The following ATP2B4 variants were observed in gnomAD, a reference collection of about 807,000 sequenced individuals.
ATP2B4 encodes ATPase plasma membrane Ca2+ transporting 4.
Under a neutral mutation model 110.3 loss-of-function variants are expected in ATP2B4, and 39 were observed. The observed-to-expected ratio is 0.35, with a 90% confidence interval of 0.27 to 0.46. ATP2B4 has a LOEUF of 0.46. Among genes scored for constraint, ATP2B4 ranks in the 20% least tolerant of loss-of-function variants. The pLI is 1.00. For synonymous variants in ATP2B4, 538 were observed against 571.7 expected, an observed-to-expected ratio of 0.94 and a Z score of 0.84; for missense variants, 1,135 against 1,530.9, an observed-to-expected ratio of 0.74 and a Z score of 4.32.
chr1:203,639,814 G>A (rs896582375), intron 1 of ATP2B4, among the ~76,000 whole-genome samples: 3 of 152,170 alleles, frequency 2.0e-5, no homozygotes, highest in Non-Finnish European at 2.9e-5. Context: ...GAGATGTTCT[G>A]TTGCTGGGAT....
chr1:203,722,787 G>A, intron 18 of ATP2B4, 98 bp downstream of exon 18: 1 of 1,115,788 alleles, frequency 9.0e-7, no homozygotes, highest in East Asian at 2.5e-5. Flanking sequence ...AGGAATGAAG[G>A]AATTACGGGG....
At chr1:203,711,900 G>T in intron 12 of ATP2B4, 60 bp from the exon 13 acceptor site, 1 of 1,565,134 alleles carries the variant, frequency 6.4e-7, no homozygotes, top group South Asian at 1.2e-5. Context: ...GACAAACAGG[G>T]ACAGCTTACC....
chr1:203,714,202 G>A lies in ATP2B4; in HGVS notation c.2331G>A (p.Arg777=). The A allele has an allele frequency of 2.5e-6, 4 of 1,614,168 alleles. No individual in the cohort carries two copies. The South Asian group carries it at 3.3e-5, about 13-fold the overall frequency. Residue 777 remains arginine (R), a synonymous_variant, in exon 15 of 21, where the codon CGG becomes CGA. Transcript: ENST00000357681. ...TTGACAGCACTGTTGGGGAACACCG[G>A]CAGGTCGTGGCTGTCACTGGTGATG... The part of the protein sequence containing the change: ...GIIDSTVGEH[R]QVVAVTGDGT...
chr1:203,722,794 G>A (rs1666377343), intron 18 of ATP2B4, 105 bp downstream of exon 18: 13 of 1,061,950 alleles, frequency 1.2e-5, no homozygotes, highest in Admixed American at 2.5e-5. Flanking sequence ...AAGGAATTAC[G>A]GGGACTGGAG....
intron 1 of ATP2B4, among the ~76,000 whole-genome samples, chr1:203,672,353 T>TTTTTTTC (rs1664696691): frequency 1.2e-5 from 1 of 86,414 alleles, no homozygotes; most frequent in Non-Finnish European, 2.6e-5. Context: ...TTTTTTTTTT[T>TTTTTTTC]TTTAAAGCTG....
At chr1:203,652,571 C>T (rs1164614347) in intron 1 of ATP2B4, among the ~76,000 whole-genome samples, 1 of 152,094 alleles carries the variant, frequency 6.6e-6, no homozygotes, top group Non-Finnish European at 1.5e-5. Context: ...TGCGGCAACC[C>T]TGTGTTGAGC....
chr1:203,678,424 C>G (rs1301090613), intron 1 of ATP2B4, among the ~76,000 whole-genome samples: 4 of 116,314 alleles, frequency 3.4e-5, no homozygotes, highest in African/African-American at 1.0e-4. Flanking sequence ...AAGTCAGGGT[C>G]CCACTTGGTT....
intron 1 of ATP2B4, among the ~76,000 whole-genome samples, chr1:203,646,149 A>G (rs746094403): frequency 6.6e-6 from 1 of 152,158 alleles, no homozygotes; most frequent in Non-Finnish European, 1.5e-5. Context: ...GCACCAAGAC[A>G]CATGCTAAAA....
intron 1 of ATP2B4, among the ~76,000 whole-genome samples, chr1:203,666,313 T>G (rs1664501745): frequency 4.1e-5 from 1 of 24,678 alleles, no homozygotes; most frequent in Non-Finnish European, 1.0e-4. Context: ...GCATTTTGGT[T>G]TCTTACAATG....
intron 1 of ATP2B4, among the ~76,000 whole-genome samples, chr1:203,632,211 A>G (rs2102293065): frequency 6.7e-6 from 1 of 149,646 alleles, no homozygotes; most frequent in Admixed American, 6.7e-5. Context: ...AGCCAAAAAG[A>G]AAAAAAAAAG....
rs187440684 is a variant in ATP2B4 at position 203,732,331 on chromosome 1, G to A, written c.3309+4760G>A. On this transcript the variant is annotated intron_variant, in intron 20 of 20. Transcript: ENST00000357681. The stretch of plus-strand genomic sequence containing the variant: ...CTCCCCCTCCCTCAGTCTAATTGCC[G>A]AGTTACTGTCAGCATTTCTGCCAGA... 1.7e-3 allele frequency among the ~76,000 whole-genome samples: 259 copies of A among 152,238 alleles called. 3 individuals are homozygous for A. The East Asian group carries it at 0.027, about 16-fold the overall frequency.
chr1:203,686,005 C>CAAA, intron 2 of ATP2B4, among the ~76,000 whole-genome samples: 1 of 136,536 alleles, frequency 7.3e-6, no homozygotes, highest in Non-Finnish European at 1.6e-5. Flanking sequence ...TTCTTAATCA[C>CAAA]AAAAAAAAAA....
chr1:203,709,174 A>G, intron 10 of ATP2B4, 127 bp from the exon 11 acceptor site: 1 of 1,340,438 alleles, frequency 7.5e-7, no homozygotes. Flanking sequence ...GAAAAAAAAA[A>G]ATGTTATTTC....
intron 19 of ATP2B4, among the ~76,000 whole-genome samples, chr1:203,726,273 T>G (rs181038236): frequency 4.0e-4 from 61 of 152,094 alleles, no homozygotes; most frequent in African/African-American, 1.4e-3. Context: ...CTCACTATGT[T>G]GCCAGGCTGA....
At chr1:203,647,616 G>A (rs1663842669) in intron 1 of ATP2B4, among the ~76,000 whole-genome samples, 1 of 151,968 alleles carries the variant, frequency 6.6e-6, no homozygotes, top group South Asian at 2.1e-4. Flanking sequence ...AAAATTAGCT[G>A]AGCGTGGTAG....
chr1:203,722,771 A>G, intron 18 of ATP2B4, 82 bp downstream of exon 18: 1 of 1,313,752 alleles, frequency 7.6e-7, no homozygotes, highest in Admixed American at 2.1e-5. Context: ...CTACATACCT[A>G]GGAAAAGGAA....
chr1:203,627,952 G>A (rs1663138099), intron 1 of ATP2B4, among the ~76,000 whole-genome samples: 1 of 152,222 alleles, frequency 6.6e-6, no homozygotes, highest in Non-Finnish European at 1.5e-5. Flanking sequence ...TTGAGTGTGT[G>A]TGAGCGTCCA....
At chr1:203,708,208 T>C in intron 10 of ATP2B4, 104 bp downstream of exon 10, 1 of 1,477,892 alleles carries the variant, frequency 6.8e-7, no homozygotes, top group Non-Finnish European at 9.3e-7. Flanking sequence ...TAAATTGCCA[T>C]CCCACATCCC....
At chr1:203,658,874 T>C (rs1664247448) in intron 1 of ATP2B4, among the ~76,000 whole-genome samples, 1 of 151,674 alleles carries the variant, frequency 6.6e-6, no homozygotes, top group Admixed American at 6.6e-5. Flanking sequence ...CGTGGTGGTG[T>C]GTGCCTGTAA....
Sources: allele counts gnomAD v4.1 joint callset (sites outside exome capture counted in the v4.1 genomes callset), GRCh38; gene constraint gnomAD v4.1.1; transcripts MANE v1.5; gene names NCBI Gene and HGNC (gene_info 2026-07-23, HGNC 2026-07-21).